The following EPB41L4B variants were observed in gnomAD, a reference collection of about 807,000 sequenced individuals.
EPB41L4B encodes the protein band 4.1-like protein 4B.
EPB41L4B carries 30 observed loss-of-function variants against 112.5 expected under a neutral mutation model. That is an observed-to-expected ratio of 0.27 (90% CI 0.20 to 0.36). EPB41L4B has a LOEUF of 0.36. Among genes scored for constraint, EPB41L4B ranks in the 10% least tolerant of loss-of-function variants. The pLI is 1.00. For missense variants in EPB41L4B, 1,024 were observed against 1,133.3 expected (o/e 0.90, Z 1.38); for synonymous variants, 408 against 439.7 (o/e 0.93, Z 0.90).
At chr9:109,182,508 A>T (rs1365595363) in intron 24 of EPB41L4B, among the ~76,000 whole-genome samples, 2 of 152,236 alleles carry the variant, frequency 1.3e-5, no homozygotes. Context: ...CAACACTGTG[A>T]ATGTACTGTC....
At chr9:109,247,173 GTTT>G (rs555846521) in intron 14 of EPB41L4B, among the ~76,000 whole-genome samples, 6 of 129,180 alleles carry the variant, frequency 4.6e-5, no homozygotes, top group Admixed American at 7.9e-5. Flanking sequence ...CTCAAGACTA[GTTT>G]TTTTTTTTTT....
intron 17 of EPB41L4B, 145 bp downstream of exon 17, chr9:109,213,555 A>T (rs1179267948): frequency 1.5e-6 from 1 of 672,126 alleles, no homozygotes; most frequent in East Asian, 2.5e-5. Flanking sequence ...CCTAAAAGAC[A>T]GCCTGAACAG....
At chr9:109,319,601 A>C (rs1837767947) in intron 1 of EPB41L4B, among the ~76,000 whole-genome samples, 1 of 152,038 alleles carries the variant, frequency 6.6e-6, no homozygotes, top group African/African-American at 2.4e-5. Flanking sequence ...AAATGGTCTA[A>C]CCCCCGCCTC....
intron 24 of EPB41L4B, among the ~76,000 whole-genome samples, chr9:109,177,357 C>T (rs924502500): frequency 5.3e-5 from 8 of 152,252 alleles, no homozygotes; most frequent in South Asian, 2.1e-4. Flanking sequence ...TCCAACAATA[C>T]GTGTTTCAAC....
At position 109,319,883 on chromosome 9, in the gene EPB41L4B, T is replaced by G. The variant is rs188129481; in HGVS notation, c.306+258A>C. On this transcript the variant is annotated intron_variant, in intron 1 of 25. Transcript: ENST00000374566. ...GGGGAGGGGGCGAGGCCCCAAGGAC[T>G]AGGTGGGCGCCAGAGAAATCGCAAC... Among the ~76,000 whole-genome samples, 599 of 151,902 alleles carry G rather than the reference T, an allele frequency of 3.9e-3. 7 individuals are homozygous for G. The highest frequency in any genetic ancestry group is 0.014 in the African/African-American group (575 of 41,446).
Position 109,255,805 on chromosome 9 carries a change from A to C in EPB41L4B, c.968T>G (p.Leu323Trp). The change falls in exon 10 of 26, where the codon TTG becomes TGG. Residue 323 changes from leucine (L) to tryptophan (W), a missense_variant. Physicochemically the swap from Leu to Trp is moderately conservative, Grantham distance 61. Transcript: ENST00000374566. Reference sequence around the variant, plus strand: ...ATCATCCTCGACCACCACGAGTGTCAATTTGCTCTTTTTAAAATCCATTTT... The same window carrying C: ...ATCATCCTCGACCACCACGAGTGTCCATTTGCTCTTTTTAAAATCCATTTT... Reference protein sequence around the residue: ...ITKMDFKKSKLTLVVVEDDDQ... With the variant: ...ITKMDFKKSKWTLVVVEDDDQ... 1 of 1,613,842 alleles carries C rather than the reference A, an allele frequency of 6.2e-7. No homozygotes were observed. The highest frequency in any genetic ancestry group is 8.5e-7 in the Non-Finnish European group (1 of 1,179,950).
intron 19 of EPB41L4B, among the ~76,000 whole-genome samples, chr9:109,202,283 C>T (rs1832859798): frequency 6.6e-6 from 1 of 152,138 alleles, no homozygotes; most frequent in Non-Finnish European, 1.5e-5. Flanking sequence ...CAAATTTATA[C>T]CAAGCACACA....
intron 1 of EPB41L4B, among the ~76,000 whole-genome samples, chr9:109,288,645 C>G (rs1443841785): frequency 7.5e-6 from 1 of 133,406 alleles, no homozygotes; most frequent in African/African-American, 2.8e-5. Context: ...ATGGAGTGAA[C>G]CCAAAAGGCG....
intron 18 of EPB41L4B, among the ~76,000 whole-genome samples, chr9:109,207,598 A>AAGGAG (rs377231088): frequency 2.0e-5 from 3 of 151,586 alleles, no homozygotes; most frequent in Admixed American, 6.6e-5. Flanking sequence ...GAGAGAGAGA[A>AAGGAG]AGGAGAGGAG....
chr9:109,179,181 C>T (rs16913887), intron 24 of EPB41L4B, among the ~76,000 whole-genome samples: 2,337 of 152,244 alleles, frequency 0.015, 65 homozygotes, highest in African/African-American at 0.051. Flanking sequence ...TGAGCAGAGA[C>T]CCAGTTAATA....
intron 23 of EPB41L4B, 151 bp from the exon 24 acceptor site, chr9:109,182,948 C>T: frequency 3.2e-6 from 2 of 624,326 alleles, no homozygotes; most frequent in Non-Finnish European, 5.8e-6. Flanking sequence ...TACAAAGGGT[C>T]CCTCAGGAGT....
In EPB41L4B at chr9:109,251,126, G is replaced by A. The variant is rs376233862; in HGVS notation, c.1310+355C>T. Among the ~76,000 whole-genome samples, 357 of 152,310 alleles carry A rather than the reference G, an allele frequency of 2.3e-3. 2 individuals are homozygous for A. Among genetic ancestry groups the A allele is most frequent in the South Asian group, 0.021 (99 of 4,828 alleles). On this transcript the variant is annotated intron_variant, in intron 13 of 25. Coordinates refer to ENST00000374566, the MANE Select transcript of EPB41L4B (RefSeq NM_019114.5). ...CTGAGCAAATCTAGCATCTGCTCTC[G>A]TCCAGCTTTTGCTCGCGAGCAAGGC...
intron 1 of EPB41L4B, among the ~76,000 whole-genome samples, chr9:109,296,006 A>G (rs141960159): frequency 6.6e-6 from 1 of 152,350 alleles, no homozygotes; most frequent in Admixed American, 6.5e-5. Flanking sequence ...AGCTGCTGGA[A>G]GAAGGGCAGC....
chr9:109,249,810 G>C (rs1834714319), intron 13 of EPB41L4B, among the ~76,000 whole-genome samples: 2 of 152,134 alleles, frequency 1.3e-5, no homozygotes, highest in South Asian at 2.1e-4. Context: ...CACCCTCCGG[G>C]GCAGGGGGCG....
intron 18 of EPB41L4B, among the ~76,000 whole-genome samples, chr9:109,206,743 T>C (rs1249227921): frequency 2.0e-5 from 3 of 152,252 alleles, no homozygotes; most frequent in Non-Finnish European, 4.4e-5. Flanking sequence ...TAGCAACTTT[T>C]ATCTCCAAGT....
intron 21 of EPB41L4B, 97 bp downstream of exon 21, chr9:109,194,123 G>T: frequency 7.3e-7 from 1 of 1,376,600 alleles, no homozygotes; most frequent in Non-Finnish European, 9.9e-7. Context: ...AATTGATTAT[G>T]CAAAATTTAA....
chr9:109,317,130 C>T (rs1257804498), intron 1 of EPB41L4B, among the ~76,000 whole-genome samples: 4 of 152,094 alleles, frequency 2.6e-5, no homozygotes, highest in Non-Finnish European at 4.4e-5. Context: ...AAAAAGAACA[C>T]TCAGGGATGC....
intron 15 of EPB41L4B, chr9:109,241,850 A>G (rs1834363436): frequency 6.2e-7 from 1 of 1,603,068 alleles, no homozygotes; most frequent in African/African-American, 1.3e-5. Context: ...GGAGAATGGA[A>G]GAAAATGCAG....
chr9:109,210,652 A>T (rs1833133489), intron 17 of EPB41L4B, among the ~76,000 whole-genome samples: 1 of 152,190 alleles, frequency 6.6e-6, no homozygotes, highest in African/African-American at 2.4e-5. Context: ...TGCTATATGA[A>T]CTGACGCAGG....
Sources: gnomAD v4.1 joint callset for allele counts (sites outside exome capture counted in the v4.1 genomes callset) on GRCh38, gnomAD v4.1.1 for gene constraint, MANE v1.5 for transcripts, NCBI Gene and HGNC (gene_info 2026-07-23, HGNC 2026-07-21) for gene names.